Variants in SPIN1 observed in about 807,000 individuals in gnomAD.
SPIN1 encodes spindlin 1.
Under a neutral mutation model 26.0 loss-of-function variants are expected in SPIN1, and 3 were observed. The observed-to-expected ratio is 0.12, with a 90% CI of 0.05 to 0.30. The LOEUF (loss-of-function observed/expected upper bound fraction) is 0.30, where lower values mean the gene tolerates loss of function less well. SPIN1 is among the 10% of genes least tolerant of loss of function. SPIN1 has a pLI of 1.00. For synonymous variants in SPIN1, 101 were observed against 116.5 expected (o/e 0.87, Z 0.86); for missense variants, 126 against 333.4 (o/e 0.38, Z 4.84).
intron 3 of SPIN1, among the ~76,000 whole-genome samples, chr9:88,451,268 G>A (rs1338198158): frequency 1.3e-5 from 2 of 152,156 alleles, no homozygotes; most frequent in African/African-American, 4.8e-5. Flanking sequence ...TGGGGTGCCC[G>A]AGAAAGAACC....
chr9:88,457,841 C>T (rs766602623), intron 3 of SPIN1: 17 of 982,792 alleles, frequency 1.7e-5, no homozygotes, highest in South Asian at 4.7e-5. Flanking sequence ...GAAAATACTA[C>T]GCAAAAAGCA....
chr9:88,424,639 G>T (rs933611880), intron 1 of SPIN1, among the ~76,000 whole-genome samples: 11 of 152,330 alleles, frequency 7.2e-5, no homozygotes, highest in Admixed American at 2.6e-4. Flanking sequence ...GTTGGAATGG[G>T]AGTGTCAGTG....
chr9:88,465,392 G>C (rs1317133707), intron 4 of SPIN1, among the ~76,000 whole-genome samples: 1 of 152,128 alleles, frequency 6.6e-6, no homozygotes, highest in African/African-American at 2.4e-5. Context: ...CACAGCAGTT[G>C]TACCATTTTC....
rs565694276 is a variant in SPIN1, at chr9:88,414,948, T to C, written c.-158-11434T>C. Among the ~76,000 whole-genome samples the C allele has an allele frequency of 2.0e-5, 3 of 152,248 alleles. No homozygotes were observed. In the South Asian group the frequency reaches 6.2e-4, roughly 32 times the overall value. ...AGATGGAGTCTCGCTGTGTCACCCATGGTGGAGTGCAGTGGCATGATCTCG... is the reference window on the plus strand; with the variant it reads ...AGATGGAGTCTCGCTGTGTCACCCACGGTGGAGTGCAGTGGCATGATCTCG... On this transcript the variant is annotated intron_variant, in intron 1 of 5. Coordinates refer to ENST00000375859, the MANE Select transcript of SPIN1 (RefSeq NM_006717.3).
intron 1 of SPIN1, among the ~76,000 whole-genome samples, chr9:88,421,814 T>C (rs985479641): frequency 6.6e-6 from 1 of 152,142 alleles, no homozygotes; most frequent in Admixed American, 6.6e-5. Context: ...AAGTTGCTTC[T>C]GCATCACCTG....
intron 1 of SPIN1, among the ~76,000 whole-genome samples, chr9:88,425,166 G>C (rs1827740927): frequency 6.6e-6 from 1 of 152,090 alleles, no homozygotes; most frequent in South Asian, 2.1e-4. Context: ...TGGGGGAAGA[G>C]AGTAATAGGG....
chr9:88,388,943 G>T (rs927063384), intron 1 of SPIN1, among the ~76,000 whole-genome samples: 3 of 151,148 alleles, frequency 2.0e-5, no homozygotes, highest in African/African-American at 4.8e-5. Flanking sequence ...CGGGGAGGGG[G>T]CGCTGCGCCA....
chr9:88,457,160 C>T (rs948671290), intron 3 of SPIN1, among the ~76,000 whole-genome samples: 1 of 150,690 alleles, frequency 6.6e-6, no homozygotes, highest in Non-Finnish European at 1.5e-5. Flanking sequence ...GATAATTTTG[C>T]TTTGCTCTCT....
At chr9:88,437,868 ATCTT>A (rs1228998263) in intron 2 of SPIN1, among the ~76,000 whole-genome samples, 4 of 151,954 alleles carry the variant, frequency 2.6e-5, no homozygotes, top group Non-Finnish European at 5.9e-5. Flanking sequence ...TTGACTTTAG[ATCTT>A]TCTTTATCTG....
chr9:88,416,032 A>C (rs748537130), intron 1 of SPIN1, among the ~76,000 whole-genome samples: 1 of 151,684 alleles, frequency 6.6e-6, no homozygotes, highest in Non-Finnish European at 1.5e-5. Context: ...CTGCCATTAC[A>C]GGCATGAGCC....
intron 1 of SPIN1, among the ~76,000 whole-genome samples, chr9:88,397,967 G>T (rs1827101636): frequency 6.6e-6 from 1 of 151,638 alleles, no homozygotes; most frequent in African/African-American, 2.4e-5. Flanking sequence ...AGTTGCCTAG[G>T]CTGTAGTGCA....
intron 2 of SPIN1, among the ~76,000 whole-genome samples, chr9:88,447,430 T>C (rs888588301): frequency 6.6e-6 from 1 of 152,184 alleles, no homozygotes; most frequent in African/African-American, 2.4e-5. Flanking sequence ...AACCTTGTGT[T>C]GTTGAGTGTT....
chr9:88,471,382 C>G (rs555246103), intron 5 of SPIN1, among the ~76,000 whole-genome samples: 1 of 151,738 alleles, frequency 6.6e-6, no homozygotes, highest in Admixed American at 6.6e-5. Flanking sequence ...GTTTTGGCAT[C>G]CTTGTTGCGC....
chr9:88,391,637 C>T, intron 1 of SPIN1: 1 of 152,212 alleles, frequency 6.6e-6, no homozygotes. Flanking sequence ...CGTTTCTCTT[C>T]TATCCAGTTG....
At chr9:88,441,819 TATAAA>T (rs977873546) in intron 2 of SPIN1, among the ~76,000 whole-genome samples, 3 of 148,310 alleles carry the variant, frequency 2.0e-5, no homozygotes, top group African/African-American at 7.4e-5. Flanking sequence ...TATTATAAAA[TATAAA>T]ATAATATAAA....
At chr9:88,451,419 T>G (rs757913816) in intron 3 of SPIN1, among the ~76,000 whole-genome samples, 1 of 152,186 alleles carries the variant, frequency 6.6e-6, no homozygotes, top group Non-Finnish European at 1.5e-5. Context: ...GGTTTGTGTT[T>G]TTTAAGAAAA....
intron 1 of SPIN1, among the ~76,000 whole-genome samples, chr9:88,399,890 T>C (rs1451994469): frequency 6.6e-6 from 1 of 152,226 alleles, no homozygotes; most frequent in Non-Finnish European, 1.5e-5. Context: ...GTGACTGCTC[T>C]AAAAATGCAA....
chr9:88,467,155 G>T (rs1341994876), intron 4 of SPIN1, among the ~76,000 whole-genome samples: 2 of 152,230 alleles, frequency 1.3e-5, no homozygotes, highest in Non-Finnish European at 1.5e-5. Context: ...ATCCTTCATA[G>T]TTTTTCCAGT....
intron 2 of SPIN1, among the ~76,000 whole-genome samples, chr9:88,428,938 T>C (rs1468844363): frequency 2.0e-5 from 3 of 152,172 alleles, no homozygotes; most frequent in Non-Finnish European, 4.4e-5. Context: ...TGTGGTAGTA[T>C]GATTATAGTT....
Sources: allele counts gnomAD v4.1 joint callset (sites outside exome capture counted in the v4.1 genomes callset), GRCh38; gene constraint gnomAD v4.1.1; transcripts MANE v1.5; gene names NCBI Gene and HGNC (gene_info 2026-07-23, HGNC 2026-07-21).